CLIP3: variants seen among roughly 807,000 people sequenced by gnomAD.
CLIP3 encodes the protein CAP-Gly domain containing linker protein 3.
CLIP3 carries 15 observed loss-of-function variants against 59.4 expected under a neutral mutation model. That is an observed-to-expected ratio of 0.25 (90% CI 0.17 to 0.39). CLIP3 has a LOEUF of 0.39. Ranked by LOEUF, CLIP3 falls within the 10% of genes least tolerant of loss-of-function variation. The pLI, the probability that CLIP3 is intolerant of heterozygous loss-of-function variation, is 1.00. For missense variants in CLIP3, 495 were observed against 765.7 expected, an observed-to-expected ratio of 0.65 and a Z score of 4.17; for synonymous variants, 300 against 321.6, an observed-to-expected ratio of 0.93 and a Z score of 0.72.
chr19:36,026,761 C>T lies in CLIP3; in HGVS notation c.401-14G>A, dbSNP rs750046949. On this transcript the variant is annotated splice_polypyrimidine_tract_variant and intron_variant, in intron 4 of 13. Coordinates refer to ENST00000360535, the MANE Select transcript of CLIP3 (RefSeq NM_015526.3). The surrounding 1 kb of genome is among the most constrained non-coding windows in gnomAD (Gnocchi z 6.3). ...CCGCGGGGTCCCCTGCGCGATAGGC[C>T]GGGTCAGCTTGGAACCCCCATTCCA... 6 of 1,588,140 alleles carry T rather than the reference C, an allele frequency of 3.8e-6. No individual in the cohort carries two copies. In the South Asian group the frequency reaches 4.5e-5, roughly 12 times the overall value.
chr19:36,031,008 C>CTTTTTTTTTTTTTTTCTTTTTTTTTTTT (rs374690845), intron 2 of CLIP3, among the ~76,000 whole-genome samples: 2 of 77,838 alleles, frequency 2.6e-5, no homozygotes, highest in Admixed American at 3.3e-4. Context: ...TTTTTCTTTT[C>CTTTTTTTTTTTTTTTCTTTTTTTTTTTT]TTTTTTTTTT....
Position 36,016,320 on chromosome 19 carries a change from C to T in CLIP3, c.1590-108G>A, listed in dbSNP as rs1363671484. The T allele has an allele frequency of 5.9e-6, 7 of 1,181,980 alleles. No individual in the cohort carries two copies. Among genetic ancestry groups the T allele is most frequent in the Non-Finnish European group, 1.2e-6 (1 of 805,250 alleles). 73.2% of individuals were successfully genotyped at this position (1,181,980 alleles called of 1,614,324 possible). ...GTTTGCTATCAGGCCTTTCTGGATT[C>T]TGCCTCTACCTCTCTGGCTGTGGTT... is the stretch of plus-strand genomic sequence containing the variant. On this transcript the variant is annotated intron_variant, in intron 13 of 13. Coordinates refer to ENST00000360535, the MANE Select transcript of CLIP3 (RefSeq NM_015526.3). This position sits in a 1 kb window ranked among gnomAD's most constrained non-coding sequence, Gnocchi z 4.1.
chr19:36,023,070 A>G lies in CLIP3; in HGVS notation c.918+1326T>C, dbSNP rs567389873. On this transcript the variant is annotated intron_variant, in intron 7 of 13. Coordinates refer to ENST00000360535, the MANE Select transcript of CLIP3 (RefSeq NM_015526.3). ...ACTCCATCTCAAAATAATAATAATA[A>G]TAATCATAATAATAAAAATAAACCC... Among the ~76,000 whole-genome samples, 14 of 152,112 alleles carry G rather than the reference A, an allele frequency of 9.2e-5. No homozygotes were observed. In the South Asian group the frequency reaches 2.9e-3, roughly 32 times the overall value.
chr19:36,022,044 A>T (rs1047996036), intron 7 of CLIP3, among the ~76,000 whole-genome samples: 1 of 151,736 alleles, frequency 6.6e-6, no homozygotes, highest in Non-Finnish European at 1.5e-5. Context: ...ATGCCTGGCT[A>T]ATTTTTTGTA....
intron 6 of CLIP3, among the ~76,000 whole-genome samples, chr19:36,025,024 C>T (rs1170702670): frequency 6.6e-6 from 1 of 151,152 alleles, no homozygotes; most frequent in Non-Finnish European, 1.5e-5. Context: ...CAAGATCATG[C>T]TACTGCACTC....
intron 7 of CLIP3, among the ~76,000 whole-genome samples, chr19:36,023,765 A>G (rs908471848): frequency 2.0e-4 from 31 of 152,152 alleles, no homozygotes; most frequent in African/African-American, 7.2e-4. Context: ...TTACAAGTGG[A>G]GCCCCATGAC....
At chr19:36,023,180 T>C (rs1233306341) in intron 7 of CLIP3, among the ~76,000 whole-genome samples, 1 of 152,168 alleles carries the variant, frequency 6.6e-6, no homozygotes, top group Admixed American at 6.5e-5. Context: ...TGGAGGTTGC[T>C]GTGAGCCAAG....
At chr19:36,025,176 T>G (rs1010190910) in intron 6 of CLIP3, among the ~76,000 whole-genome samples, 2 of 151,618 alleles carry the variant, frequency 1.3e-5, no homozygotes, top group Non-Finnish European at 2.9e-5. Context: ...AGGGTGGGCC[T>G]GGGGGTGTAG....
Position 36,019,301 on chromosome 19 carries a change from G to GC in CLIP3, c.923dup (p.Thr309HisfsTer24). On this transcript the variant is annotated frameshift_variant, in exon 8 of 14. Transcript: ENST00000360535. LOFTEE classifies it high-confidence loss of function. ...CCGTGGTCCCACAGAACCGCAGTGTGCCCGTCTGGGGAGAGAAGGGAGGCG... is the reference window on the plus strand; with the variant it reads ...CCGTGGTCCCACAGAACCGCAGTGTGCCCCGTCTGGGGAGAGAAGGGAGGCG... 1 of 1,611,350 alleles carries GC rather than the reference G, an allele frequency of 6.2e-7. No individual in the cohort carries two copies. Among genetic ancestry groups the GC allele is most frequent in the Non-Finnish European group, 8.5e-7 (1 of 1,179,574 alleles).
Position 36,019,208 on chromosome 19 carries a change from A to G in CLIP3, c.1017T>C (p.Val339=). The G allele has an allele frequency of 6.2e-7, 1 of 1,614,052 alleles. No individual in the cohort carries two copies. Among genetic ancestry groups the G allele is most frequent in the Non-Finnish European group, 8.5e-7 (1 of 1,180,034 alleles). Residue 339 remains valine (V), a synonymous_variant, in exon 8 of 14, where the codon GTT becomes GTC. Coordinates refer to ENST00000360535, the MANE Select transcript of CLIP3 (RefSeq NM_015526.3). ...GGCAGATGAAGTACCGAACGCCCCC[A>G]ACGCTGCCATCGTTCTTGCCCTCAG... ...DEPEGKNDGS[V]GGVRYFICPP...
In CLIP3 at chr19:36,016,231, G is replaced by T. The variant is rs779596862; in HGVS notation, c.1590-19C>A. The T allele has an allele frequency of 3.7e-6, 6 of 1,613,930 alleles. No homozygotes were observed. The African/African-American group carries it at 8.0e-5, about 22-fold the overall frequency. ...CAGCAACCTGGAAAGGAGGATGACAGGGTCACGCCCTTAGGCAGGCAGCGG... is the reference window on the plus strand; with the variant it reads ...CAGCAACCTGGAAAGGAGGATGACATGGTCACGCCCTTAGGCAGGCAGCGG... On this transcript the variant is annotated intron_variant, in intron 13 of 13. Transcript: ENST00000360535. This position sits in a 1 kb window ranked among gnomAD's most constrained non-coding sequence, Gnocchi z 4.1.
rs1006819349 is a variant in CLIP3 at position 36,016,026 on chromosome 19, C to T, written c.*132G>A. On this transcript the variant is annotated 3_prime_UTR_variant, in exon 14 of 14. Transcript: ENST00000360535. The surrounding 1 kb of genome is among the most constrained non-coding windows in gnomAD (Gnocchi z 4.1). The stretch of plus-strand genomic sequence containing the variant: ...CTGTTAATAATGGGGCCTCAATGAT[C>T]GAGGGCTGGCTAACAGGGGTCTCTA... The T allele has an allele frequency of 3.4e-6, 3 of 879,964 alleles. No homozygotes were observed. The highest frequency in any genetic ancestry group is 2.0e-5 in the Admixed American group (1 of 48,876). The allele number at this position is 879,964 out of a possible 1,614,324, so 54.5% of individuals were successfully genotyped here. A position where few individuals can be genotyped will look rare whatever the true frequency, so the allele number is the denominator to read the frequency against.
In CLIP3 at chr19:36,016,262, T is replaced by A; in HGVS notation, c.1590-50A>T. ...CGCCCTTAGGCAGGCAGCGGGGACA[T>A]CTGCACCCATCACCCCCAGCCTTTC... On this transcript the variant is annotated intron_variant, in intron 13 of 13. Coordinates refer to ENST00000360535, the MANE Select transcript of CLIP3 (RefSeq NM_015526.3). The surrounding 1 kb of genome is among the most constrained non-coding windows in gnomAD (Gnocchi z 4.1). 5 of 1,598,634 alleles carry A rather than the reference T, an allele frequency of 3.1e-6. No homozygotes were observed. Among genetic ancestry groups the A allele is most frequent in the Non-Finnish European group, 3.4e-6 (4 of 1,166,876 alleles).
rs529393156 is a variant in CLIP3, at chr19:36,019,862, C to T, written c.919-556G>A. Among the ~76,000 whole-genome samples, 82 of 151,914 alleles carry T rather than the reference C, an allele frequency of 5.4e-4. 1 individual carries two copies. Among genetic ancestry groups the T allele is most frequent in the African/African-American group, 1.9e-3 (79 of 41,530 alleles). Reference sequence around the variant, plus strand: ...AGGTGATCCACCCGCCTCGGCCTCCCAAAGTGCTGGGATCACAGGCATGAG... The same window carrying T: ...AGGTGATCCACCCGCCTCGGCCTCCTAAAGTGCTGGGATCACAGGCATGAG... On this transcript the variant is annotated intron_variant, in intron 7 of 13. Transcript: ENST00000360535.
At chr19:36,025,590 C>CA (rs67275508) in intron 6 of CLIP3, among the ~76,000 whole-genome samples, 43,980 of 110,530 alleles carry the variant, frequency 0.4, 7,494 homozygotes, top group Middle Eastern at 0.42. Flanking sequence ...GTCTCTGTCT[C>CA]AAAAAAAAAA....
At chr19:36,031,213 A>T (rs979669038) in intron 2 of CLIP3, among the ~76,000 whole-genome samples, 1 of 150,958 alleles carries the variant, frequency 6.6e-6, no homozygotes. Context: ...ATGGGGTTTC[A>T]CCATGTTGGC....
intron 2 of CLIP3, 116 bp from the exon 3 acceptor site, chr19:36,027,387 G>T (rs1969142286): frequency 8.7e-7 from 1 of 1,154,994 alleles, no homozygotes; most frequent in Admixed American, 3.4e-5. Context: ...TCTCAAGCTG[G>T]TGGCACATGG....
At chr19:36,024,832 C>T (rs552551628) in intron 6 of CLIP3, among the ~76,000 whole-genome samples, 200 bp from the exon 7 acceptor site, 43 of 152,200 alleles carry the variant, frequency 2.8e-4, no homozygotes, top group African/African-American at 9.6e-4. Flanking sequence ...GTTGTGAGGC[C>T]GAGGCAGGCA....
chr19:36,031,518 T>C (rs1381986837), intron 2 of CLIP3, among the ~76,000 whole-genome samples: 1 of 152,188 alleles, frequency 6.6e-6, no homozygotes, highest in African/African-American at 2.4e-5. Flanking sequence ...GGTCAATGAT[T>C]AGACACTTTC....
Sources: allele counts gnomAD v4.1 joint callset (sites outside exome capture counted in the v4.1 genomes callset), GRCh38; gene constraint gnomAD v4.1.1; non-coding constraint Gnocchi (gnomAD v3.1); transcripts MANE v1.5; gene names NCBI Gene and HGNC (gene_info 2026-07-23, HGNC 2026-07-21).